CD99L2: variants seen among roughly 807,000 people sequenced by gnomAD.
CD99L2 encodes the protein CD99 molecule like 2, also known as CD99 antigen-like protein 2.
A neutral mutation model predicts 27.3 loss-of-function variants in CD99L2; 24 were observed. The ratio of observed to expected loss-of-function variants is 0.88; its 90% CI spans 0.64 to 1.24. The LOEUF is 1.24. Ranked by LOEUF, CD99L2 falls within the 50% of genes most tolerant of loss-of-function variation. The pLI, the probability that CD99L2 is intolerant of heterozygous loss-of-function variation, is 0.00. For missense variants in CD99L2, 255 were observed against 221.6 expected, an observed-to-expected ratio of 1.15 and a Z score of -0.96; for synonymous variants, 97 against 87.9, an observed-to-expected ratio of 1.10 and a Z score of -0.58.
intron 1 of CD99L2, among the ~76,000 whole-genome samples, chrX:150,837,413 C>T (rs1298464808): frequency 5.4e-5 from 6 of 111,072 alleles, no homozygotes; most frequent in African/African-American, 2.0e-4. Context: ...CCACACTTGG[C>T]TAATTTTTGT....
intron 4 of CD99L2, among the ~76,000 whole-genome samples, chrX:150,811,096 A>C (rs782765017): frequency 8.9e-6 from 1 of 112,297 alleles, no homozygotes; most frequent in East Asian, 2.8e-4. Flanking sequence ...CAATAACCCA[A>C]TTTAAAATGG....
chrX:150,863,668 A>G (rs2047014768), intron 1 of CD99L2, among the ~76,000 whole-genome samples: 1 of 112,339 alleles, frequency 8.9e-6, no homozygotes, highest in African/African-American at 3.2e-5. Flanking sequence ...ACTGGGTTGA[A>G]TAGTGTCCTC....
At chrX:150,881,646 G>A (rs1179815341) in intron 1 of CD99L2, among the ~76,000 whole-genome samples, 2 of 111,982 alleles carry the variant, frequency 1.8e-5, no homozygotes, top group African/African-American at 6.5e-5. Context: ...CAGCCTTGCT[G>A]TATTCTGGGG....
chrX:150,804,911 C>T (rs111346647), intron 4 of CD99L2, among the ~76,000 whole-genome samples: 8,959 of 111,403 alleles, frequency 0.08, 475 homozygotes, highest in African/African-American at 0.19. Context: ...TCTGGCCAGG[C>T]GTGGTGGCTC....
At chrX:150,792,520 C>G (rs1331349510) in intron 7 of CD99L2, among the ~76,000 whole-genome samples, 1 of 112,029 alleles carries the variant, frequency 8.9e-6, no homozygotes, top group African/African-American at 3.2e-5. Flanking sequence ...TAAATTTAAC[C>G]ATGGTATCCT....
At chrX:150,807,450 G>A (rs1365572730) in intron 4 of CD99L2, among the ~76,000 whole-genome samples, 1 of 111,762 alleles carries the variant, frequency 8.9e-6, no homozygotes, top group Admixed American at 9.5e-5. Flanking sequence ...AGGCCCCCAA[G>A]GTAAAGCCAG....
At chrX:150,840,582 A>AT (rs1388941815) in intron 1 of CD99L2, among the ~76,000 whole-genome samples, 1 of 110,896 alleles carries the variant, frequency 9.0e-6, no homozygotes, top group Non-Finnish European at 1.9e-5. Context: ...ACTTTTTTGT[A>AT]TTTTTTGTAG....
intron 1 of CD99L2, among the ~76,000 whole-genome samples, chrX:150,864,436 A>G (rs893595020): frequency 2.7e-5 from 3 of 112,512 alleles, no homozygotes; most frequent in Admixed American, 9.4e-5. Context: ...TTTGGGAAGG[A>G]TGTGGAAATA....
At chrX:150,792,068 T>G (rs1416989073) in intron 7 of CD99L2, among the ~76,000 whole-genome samples, 1 of 112,057 alleles carries the variant, frequency 8.9e-6, no homozygotes, top group African/African-American at 3.2e-5. Flanking sequence ...GTCTGAGAAT[T>G]CCATGGTGTG....
At chrX:150,815,842 CCAGGTATGCACTCTATTATA>C (rs1191704434) in intron 3 of CD99L2, among the ~76,000 whole-genome samples, 145 bp downstream of exon 3, 2 of 112,119 alleles carry the variant, frequency 1.8e-5, no homozygotes, top group Non-Finnish European at 3.8e-5. Context: ...TAGTGATCAG[CCAGGTATGCACTCTATTATA>C]AAGTTAAACT....
chrX:150,835,516 T>C (rs2046513570), intron 1 of CD99L2, among the ~76,000 whole-genome samples: 1 of 111,591 alleles, frequency 9.0e-6, no homozygotes, highest in Non-Finnish European at 1.9e-5. Context: ...AGTGAGGCCC[T>C]GTCTGTAAAA....
chrX:150,785,407 A>G (rs2045578507), intron 7 of CD99L2, among the ~76,000 whole-genome samples: 1 of 111,739 alleles, frequency 8.9e-6, no homozygotes, highest in Non-Finnish European at 1.9e-5. Context: ...TTGTCAATCG[A>G]TCTTATTTTT....
At chrX:150,815,147 C>T (rs912640008) in intron 3 of CD99L2, among the ~76,000 whole-genome samples, 6 of 112,337 alleles carry the variant, frequency 5.3e-5, no homozygotes, top group Admixed American at 9.4e-5. Flanking sequence ...TCTGACTTTG[C>T]AGTATACCAC....
At chrX:150,781,259 A>T in intron 7 of CD99L2, among the ~76,000 whole-genome samples, 1 of 112,664 alleles carries the variant, frequency 8.9e-6, no homozygotes, top group Non-Finnish European at 1.9e-5. Context: ...GCATGATCCC[A>T]TTTTTATTTT....
At chrX:150,823,230 G>T (rs2046266625) in intron 2 of CD99L2, among the ~76,000 whole-genome samples, 1 of 111,891 alleles carries the variant, frequency 8.9e-6, no homozygotes, top group African/African-American at 3.2e-5. Context: ...TCTTTTTTCT[G>T]CTGCTTATAA....
At position 150,793,784 on chromosome X, in the gene CD99L2, C is replaced by A. The variant is rs1557419799; in HGVS notation, c.431-28G>T. On this transcript the variant is annotated intron_variant, in intron 6 of 10. Transcript: ENST00000370377. ...GGAGAAAATAAAACATACATTTCAA[C>A]AACAAGAAAAAAAAATCAGCAACAA... is the stretch of plus-strand genomic sequence containing the variant. The A allele has an allele frequency of 6.3e-6, 7 of 1,117,831 alleles. No homozygotes were observed. In the Admixed American group the frequency reaches 1.1e-4, roughly 17 times the overall value. 92.1% of individuals were successfully genotyped at this position (1,117,831 alleles called of 1,213,427 possible).
At chrX:150,774,824 C>G (rs1239171870) in intron 9 of CD99L2, among the ~76,000 whole-genome samples, 1 of 111,963 alleles carries the variant, frequency 8.9e-6, no homozygotes, top group Non-Finnish European at 1.9e-5. Flanking sequence ...TAGAGGATTC[C>G]TTGATTTTTG....
intron 7 of CD99L2, among the ~76,000 whole-genome samples, chrX:150,778,542 C>T (rs1557419354): frequency 9.3e-6 from 1 of 107,899 alleles, no homozygotes; most frequent in Admixed American, 1.0e-4. Flanking sequence ...ACCTTCCTCT[C>T]TATTTTTCTG....
intron 7 of CD99L2, among the ~76,000 whole-genome samples, chrX:150,791,949 T>C (rs1488554214): frequency 8.9e-6 from 1 of 112,102 alleles, no homozygotes; most frequent in Admixed American, 9.4e-5. Context: ...GACCCAAGCC[T>C]GAAAAATGCA....
Sources: gnomAD v4.1 joint callset for allele counts (sites outside exome capture counted in the v4.1 genomes callset) on GRCh38, gnomAD v4.1.1 for gene constraint, MANE v1.5 for transcripts, NCBI Gene and HGNC (gene_info 2026-07-23, HGNC 2026-07-21) for gene names.